The following DHRSX variants were observed in gnomAD, a reference collection of about 807,000 sequenced individuals.
DHRSX encodes the protein dehydrogenase/reductase X-linked, also known as polyprenol dehydrogenase.
Under a neutral mutation model 34.0 loss-of-function variants are expected in DHRSX, and 31 were observed. The ratio of observed to expected loss-of-function variants is 0.91; its 90% CI spans 0.69 to 1.23. The LOEUF is 1.23. Among genes scored for constraint, DHRSX ranks in the 50% most tolerant of loss-of-function variants. DHRSX has a pLI of 0.00. For synonymous variants in DHRSX, 201 were observed against 183.8 expected (o/e 1.09, Z -0.76); for missense variants, 414 against 428.1 (o/e 0.97, Z 0.29).
At chrX:2,385,616 G>T (rs762090046) in intron 3 of DHRSX, among the ~76,000 whole-genome samples, 2 of 152,214 alleles carry the variant, frequency 1.3e-5, no homozygotes, top group South Asian at 2.1e-4. Context: ...TTCCTTCAGA[G>T]GTTTACTAAT....
chrX:2,302,386 C>A (rs145599523), intron 3 of DHRSX, among the ~76,000 whole-genome samples: 1 of 152,032 alleles, frequency 6.6e-6, no homozygotes, highest in Non-Finnish European at 1.5e-5. Flanking sequence ...CCAAAGCGGG[C>A]GGATCGCTTG....
intron 3 of DHRSX, among the ~76,000 whole-genome samples, chrX:2,355,291 T>C (rs2042835110): frequency 6.6e-6 from 1 of 152,064 alleles, no homozygotes; most frequent in Non-Finnish European, 1.5e-5. Flanking sequence ...GACGACGGAT[T>C]GCTTGAGCTC....
In DHRSX at chrX:2,243,160, G is replaced by A. The variant is rs1181324717; in HGVS notation, c.667C>T (p.Gln223Ter). Residue 223 changes from glutamine to a stop codon, truncating the protein, a stop_gained, in exon 6 of 7, where the codon CAG becomes TAG. Transcript: ENST00000334651. LOFTEE classifies it high-confidence loss of function. ...LALVLFTYHL[Q>*]RLLAAEGSHV... Reference sequence around the variant, plus strand: ...CTTCCCTCAGCCGCCAGCAGCCGCTGGAGGTGGTAGGTGAACAGGACAAGG... The same window carrying A: ...CTTCCCTCAGCCGCCAGCAGCCGCTAGAGGTGGTAGGTGAACAGGACAAGG... 2 of 1,613,858 alleles carry A rather than the reference G, an allele frequency of 1.2e-6. No individual in the cohort carries two copies. Among genetic ancestry groups the A allele is most frequent in the Non-Finnish European group, 8.5e-7 (1 of 1,179,882 alleles).
intron 1 of DHRSX, among the ~76,000 whole-genome samples, chrX:2,484,849 C>T (rs1268845283): frequency 1.3e-5 from 2 of 152,116 alleles, no homozygotes; most frequent in Non-Finnish European, 2.9e-5. Flanking sequence ...GGAACCCGGT[C>T]TCTGGGCCTC....
At chrX:2,372,032 A>T (rs1265905410) in intron 3 of DHRSX, among the ~76,000 whole-genome samples, 2 of 152,070 alleles carry the variant, frequency 1.3e-5, no homozygotes, top group Non-Finnish European at 2.9e-5. Flanking sequence ...ATTATCACTT[A>T]TTTAATTTTC....
intron 4 of DHRSX, among the ~76,000 whole-genome samples, chrX:2,269,786 C>T (rs1471511405): frequency 6.6e-6 from 1 of 152,142 alleles, no homozygotes; most frequent in Non-Finnish European, 1.5e-5. Context: ...GGGATCCGCC[C>T]ACCTCGGCCT....
chrX:2,248,500 C>T (rs370771633), intron 5 of DHRSX, among the ~76,000 whole-genome samples: 11 of 149,530 alleles, frequency 7.4e-5, no homozygotes, highest in African/African-American at 2.7e-4. Context: ...GTAGTCCCAG[C>T]TACTCGGGAG....
At chrX:2,230,291 G>T (rs2015845401) in intron 6 of DHRSX, among the ~76,000 whole-genome samples, 1 of 152,196 alleles carries the variant, frequency 6.6e-6, no homozygotes. Flanking sequence ...AGAGCTGTGG[G>T]TTGTGCTAAA....
chrX:2,294,224 C>CAA (rs1408442149), intron 3 of DHRSX, among the ~76,000 whole-genome samples: 1 of 151,716 alleles, frequency 6.6e-6, no homozygotes, highest in African/African-American at 2.4e-5. Context: ...GTAAAAGGGA[C>CAA]AAAGAGAGAA....
intron 2 of DHRSX, among the ~76,000 whole-genome samples, chrX:2,419,332 C>A (rs1032281178): frequency 2.0e-5 from 3 of 152,144 alleles, no homozygotes; most frequent in East Asian, 1.9e-4. Flanking sequence ...ACCACACTGA[C>A]CCCCTGGTCT....
At chrX:2,470,924 AAT>A (rs1318003968) in intron 1 of DHRSX, among the ~76,000 whole-genome samples, 2 of 111,796 alleles carry the variant, frequency 1.8e-5, no homozygotes, top group African/African-American at 5.2e-5. Flanking sequence ...CTTGATTGTT[AAT>A]ATGTTAATTA....
chrX:2,395,766 A>T (rs188509344), intron 3 of DHRSX, among the ~76,000 whole-genome samples: 175 of 152,202 alleles, frequency 1.1e-3, no homozygotes, highest in Non-Finnish European at 1.9e-3. Flanking sequence ...GGGGGTGACT[A>T]TGTCTCCCCA....
At chrX:2,327,818 C>T (rs1254966069) in intron 3 of DHRSX, among the ~76,000 whole-genome samples, 5 of 152,026 alleles carry the variant, frequency 3.3e-5, no homozygotes, top group Non-Finnish European at 5.9e-5. Context: ...TGGTGGCTCA[C>T]GCCTGTAATC....
chrX:2,399,731 AAAAAAAAAAAAC>A (rs896270768), intron 3 of DHRSX, among the ~76,000 whole-genome samples: 7 of 137,302 alleles, frequency 5.1e-5, no homozygotes, highest in African/African-American at 1.4e-4. Flanking sequence ...AAAGCAAAAA[AAAAAAAAAAAAC>A]AAAAAAACAC....
At chrX:2,273,033 G>C (rs2041578382) in intron 4 of DHRSX, among the ~76,000 whole-genome samples, 2 of 152,156 alleles carry the variant, frequency 1.3e-5, no homozygotes, top group Admixed American at 1.3e-4. Context: ...AGCACTTTGG[G>C]AGACCAAGGC....
At chrX:2,465,800 A>C (rs1179896300) in intron 1 of DHRSX, among the ~76,000 whole-genome samples, 1 of 143,260 alleles carries the variant, frequency 7.0e-6, no homozygotes. Context: ...CAAGAGCAAA[A>C]CTCCATCGCA....
At chrX:2,397,363 G>A (rs2043424890) in intron 3 of DHRSX, among the ~76,000 whole-genome samples, 2 of 152,070 alleles carry the variant, frequency 1.3e-5, no homozygotes, top group Admixed American at 1.3e-4. Context: ...CGAACTCCTG[G>A]CCTCAAGCAA....
At chrX:2,270,118 G>T (rs1410183800) in intron 4 of DHRSX, among the ~76,000 whole-genome samples, 1 of 152,126 alleles carries the variant, frequency 6.6e-6, no homozygotes, top group African/African-American at 2.4e-5. Context: ...TGTGTGTACT[G>T]TAATATCTGT....
intron 3 of DHRSX, among the ~76,000 whole-genome samples, chrX:2,316,098 G>A (rs1384075088): frequency 6.6e-6 from 1 of 152,106 alleles, no homozygotes; most frequent in Non-Finnish European, 1.5e-5. Flanking sequence ...CTGATCTCAG[G>A]TGATCCACCG....
Sources: allele counts gnomAD v4.1 joint callset (sites outside exome capture counted in the v4.1 genomes callset), GRCh38; gene constraint gnomAD v4.1.1; transcripts MANE v1.5; gene names NCBI Gene and HGNC (gene_info 2026-07-23, HGNC 2026-07-21).